Variants in FBXL17 observed in about 807,000 individuals in gnomAD.
FBXL17 encodes the protein F-box/LRR-repeat protein 17.
A neutral mutation model predicts 66.2 loss-of-function variants in FBXL17; 22 were observed. That is an observed-to-expected ratio of 0.33 (90% confidence interval 0.24 to 0.47). The LOEUF is 0.47. FBXL17 is among the 20% of genes least tolerant of loss of function. FBXL17 has a pLI of 1.00. For synonymous variants in FBXL17, 474 were observed against 400.5 expected (o/e 1.18, Z -2.19); for missense variants, 878 against 948.2 (o/e 0.93, Z 0.97).
chr5:108,288,989 T>G (rs1758008327), intron 4 of FBXL17, among the ~76,000 whole-genome samples: 1 of 152,100 alleles, frequency 6.6e-6, no homozygotes, highest in South Asian at 2.1e-4. Context: ...TCACTATTGA[T>G]GCCATTTATA....
chr5:108,022,485 T>TG (rs1754640557), intron 6 of FBXL17, among the ~76,000 whole-genome samples: 2 of 151,732 alleles, frequency 1.3e-5, no homozygotes, highest in South Asian at 4.1e-4. Context: ...CCTAAATCAT[T>TG]AAAAAATAAT....
At chr5:108,178,708 G>A (rs1479043740) in intron 6 of FBXL17, among the ~76,000 whole-genome samples, 1 of 152,168 alleles carries the variant, frequency 6.6e-6, no homozygotes, top group African/African-American at 2.4e-5. Flanking sequence ...AGATTGCTCT[G>A]CATTCTATAG....
chr5:108,138,764 C>T (rs6876279), intron 6 of FBXL17, among the ~76,000 whole-genome samples: 46,102 of 152,064 alleles, frequency 0.3, 8,226 homozygotes, highest in Admixed American at 0.4. Flanking sequence ...TCAGTCCCCA[C>T]TCTCATGGAA....
intron 6 of FBXL17, among the ~76,000 whole-genome samples, chr5:108,086,629 G>T (rs945920310): frequency 1.3e-5 from 2 of 152,058 alleles, no homozygotes; most frequent in African/African-American, 4.8e-5. Context: ...CATGATCTCC[G>T]ATCACTGCGA....
chr5:107,977,428 C>A (rs1340088815), intron 7 of FBXL17, among the ~76,000 whole-genome samples: 1 of 152,096 alleles, frequency 6.6e-6, no homozygotes, highest in East Asian at 1.9e-4. Flanking sequence ...TATTATTACT[C>A]CTACTTTACA....
intron 4 of FBXL17, among the ~76,000 whole-genome samples, chr5:108,281,738 CA>C (rs1757708903): frequency 1.3e-5 from 2 of 151,516 alleles, no homozygotes; most frequent in African/African-American, 4.8e-5. Context: ...ATCAACAAAA[CA>C]AAAAGTTGGT....
At chr5:108,099,397 T>A (rs1749516147) in intron 6 of FBXL17, among the ~76,000 whole-genome samples, 2 of 152,028 alleles carry the variant, frequency 1.3e-5, no homozygotes, top group Admixed American at 1.3e-4. Context: ...TAATATAAGT[T>A]TTACATGGCA....
At position 108,161,997 on chromosome 5, in the gene FBXL17, G is replaced by A. The variant is rs576096057; in HGVS notation, c.1745+24120C>T. 2.0e-4 allele frequency among the ~76,000 whole-genome samples: 30 copies of A among 152,296 alleles called. 1 individual carries two copies. Among genetic ancestry groups the A allele is most frequent in the African/African-American group, 3.4e-4 (14 of 41,560 alleles). On this transcript the variant is annotated intron_variant, in intron 6 of 8. Transcript: ENST00000542267. ...AAGGTTTCAGAGCATGCTCAGCAGC[G>A]TTAAAAGGGATAAATAGAAATTATG...
intron 6 of FBXL17, among the ~76,000 whole-genome samples, chr5:108,041,229 T>G (rs1374681658): frequency 6.6e-6 from 1 of 152,162 alleles, no homozygotes; most frequent in African/African-American, 2.4e-5. Context: ...TATTTTATAT[T>G]CCATCTCACA....
chr5:108,123,578 G>A (rs1750585040), intron 6 of FBXL17, among the ~76,000 whole-genome samples: 1 of 151,758 alleles, frequency 6.6e-6, no homozygotes, highest in African/African-American at 2.4e-5. Context: ...CTTTTCCTTA[G>A]AGCTTACGTT....
At chr5:108,060,541 C>G (rs999997622) in intron 6 of FBXL17, among the ~76,000 whole-genome samples, 3 of 152,170 alleles carry the variant, frequency 2.0e-5, no homozygotes, top group Admixed American at 6.6e-5. Context: ...TATGTAGCCA[C>G]TAGTCTCTTA....
intron 6 of FBXL17, among the ~76,000 whole-genome samples, chr5:108,084,407 G>A (rs1397642513): frequency 2.6e-5 from 4 of 152,204 alleles, no homozygotes; most frequent in African/African-American, 7.2e-5. Context: ...GTTAAGGTAT[G>A]AAACGGGGCT....
chr5:108,129,052 G>T (rs369326832), intron 6 of FBXL17, among the ~76,000 whole-genome samples: 2 of 151,982 alleles, frequency 1.3e-5, no homozygotes, highest in African/African-American at 4.8e-5. Flanking sequence ...TCAGAGAATT[G>T]TATCAAATAG....
At chr5:108,004,590 T>C (rs954843324) in intron 7 of FBXL17, among the ~76,000 whole-genome samples, 1 of 152,116 alleles carries the variant, frequency 6.6e-6, no homozygotes, top group South Asian at 2.1e-4. Context: ...AGTTAAGCAA[T>C]GGGAGGGAAA....
chr5:107,976,829 A>C lies in FBXL17; in HGVS notation c.1822+44096T>G, dbSNP rs866246734. ...AGTGTTTAAGGTCTCAAGCCATATA[A>C]GCTAGAGATAAAAGATGGCTGATTC... On this transcript the variant is annotated intron_variant, in intron 7 of 8. Transcript: ENST00000542267. Among the ~76,000 whole-genome samples, 8 of 152,320 alleles carry C rather than the reference A, an allele frequency of 5.3e-5. No individual in the cohort carries two copies. The Middle Eastern group carries it at 0.01, about 194-fold the overall frequency.
At chr5:107,922,002 G>C (rs1750339433) in intron 7 of FBXL17, among the ~76,000 whole-genome samples, 1 of 152,084 alleles carries the variant, frequency 6.6e-6, no homozygotes, top group Admixed American at 6.6e-5. Context: ...GATGCCTGCT[G>C]CTGGCTTCCC....
chr5:108,047,491 G>A (rs1200330711), intron 6 of FBXL17, among the ~76,000 whole-genome samples: 5 of 152,158 alleles, frequency 3.3e-5, no homozygotes, highest in African/African-American at 4.8e-5. Context: ...GAGCTCCCTG[G>A]GGGAGGGCCA....
chr5:108,301,991 G>A (rs1758611857), intron 4 of FBXL17: 43 of 982,042 alleles, frequency 4.4e-5, no homozygotes, highest in Non-Finnish European at 5.1e-5. Flanking sequence ...AGTAGGACAG[G>A]CAATCCAACC....
At chr5:107,993,138 A>G (rs1278221261) in intron 7 of FBXL17, among the ~76,000 whole-genome samples, 8 of 152,090 alleles carry the variant, frequency 5.3e-5, no homozygotes, top group African/African-American at 1.7e-4. Flanking sequence ...CTCGTGATCC[A>G]CCCACCTTGG....
Sources: allele counts gnomAD v4.1 joint callset (sites outside exome capture counted in the v4.1 genomes callset), GRCh38; gene constraint gnomAD v4.1.1; transcripts MANE v1.5; gene names NCBI Gene and HGNC (gene_info 2026-07-23, HGNC 2026-07-21).